The following ANKFN1 variants were observed in gnomAD, a reference collection of about 807,000 sequenced individuals.
ANKFN1 encodes the protein ankyrin repeat and fibronectin type III domain containing 1.
A neutral mutation model predicts 108.7 loss-of-function variants in ANKFN1; 74 were observed. That is an observed-to-expected ratio of 0.68 (90% confidence interval 0.56 to 0.83). The LOEUF is 0.83. Among genes scored for constraint, ANKFN1 ranks in the 40% least tolerant of loss-of-function variants. The pLI is 0.00. For missense variants in ANKFN1, 1,505 were observed against 1,382.3 expected, an observed-to-expected ratio of 1.09 and a Z score of -1.41; for synonymous variants, 547 against 516.2, an observed-to-expected ratio of 1.06 and a Z score of -0.81.
At chr17:56,164,530 A>G (rs1909973158) in intron 1 of ANKFN1, among the ~76,000 whole-genome samples, 1 of 152,206 alleles carries the variant, frequency 6.6e-6, no homozygotes, top group African/African-American at 2.4e-5. Flanking sequence ...TTTACTGGCT[A>G]GATCAATGAT....
intron 4 of ANKFN1, among the ~76,000 whole-genome samples, chr17:56,075,441 T>A (rs1407968028): frequency 6.6e-6 from 1 of 152,114 alleles, no homozygotes; most frequent in Non-Finnish European, 1.5e-5. Flanking sequence ...TCTCAGCATC[T>A]CCTCAAGTTT....
chr17:56,151,831 C>A (rs761839535), upstream of ANKFN1, among the ~76,000 whole-genome samples: 5 of 152,126 alleles, frequency 3.3e-5, no homozygotes, highest in Non-Finnish European at 5.9e-5. Context: ...CTTTTTGAAG[C>A]GGGCAGATAC....
chr17:56,053,708 GT>G (rs1025883987), intron 4 of ANKFN1, among the ~76,000 whole-genome samples: 2 of 151,750 alleles, frequency 1.3e-5, no homozygotes, highest in Non-Finnish European at 2.9e-5. Flanking sequence ...TGTATTTTTA[GT>G]TTTTTTTGAG....
intron 1 of ANKFN1, among the ~76,000 whole-genome samples, chr17:56,176,377 A>G (rs1384711889): frequency 6.6e-6 from 1 of 152,160 alleles, no homozygotes; most frequent in Non-Finnish European, 1.5e-5. Flanking sequence ...CCTGTAATAA[A>G]TACCTTGGAC....
At chr17:56,053,007 G>T (rs111798995) in intron 4 of ANKFN1, among the ~76,000 whole-genome samples, 15 of 152,142 alleles carry the variant, frequency 9.9e-5, no homozygotes, top group South Asian at 6.2e-4. Context: ...ATGTAAAAGA[G>T]CATTGAAACA....
chr17:56,238,363 C>T (rs2143978269), intron 3 of ANKFN1, among the ~76,000 whole-genome samples: 1 of 152,100 alleles, frequency 6.6e-6, no homozygotes, highest in Admixed American at 6.6e-5. Flanking sequence ...CTCAAAAATA[C>T]TGTCAGTGGA....
intron 1 of ANKFN1, among the ~76,000 whole-genome samples, chr17:56,156,352 T>C (rs1270415256): frequency 1.3e-5 from 2 of 152,238 alleles, no homozygotes; most frequent in Non-Finnish European, 2.9e-5. Flanking sequence ...CCTCCCAAAG[T>C]GCTGGGATTG....
chr17:56,352,029 G>A (rs1024294541), intron 5 of ANKFN1, among the ~76,000 whole-genome samples: 2 of 152,176 alleles, frequency 1.3e-5, no homozygotes, highest in African/African-American at 4.8e-5. Context: ...TGGACAGGGT[G>A]GCACTTTAAC....
At chr17:56,237,195 C>T (rs1352874538) in intron 3 of ANKFN1, among the ~76,000 whole-genome samples, 1 of 152,122 alleles carries the variant, frequency 6.6e-6, no homozygotes, top group Admixed American at 6.6e-5. Flanking sequence ...CATCAATGTT[C>T]ATAAAGGATA....
In ANKFN1 at chr17:56,466,535, G is replaced by A. The variant is rs1598659687; in HGVS notation, c.1737G>A (p.Glu579=). The part of the protein sequence containing the change: ...SQRKSLSTPE[E]PTALDILLIT... ...GAAAGTCTCTATCAACACCTGAGGA[G>A]CCAACAGCTTTAGACATTCTACTGA... is the stretch of plus-strand genomic sequence containing the variant. The change falls in exon 15 of 21, where the codon GAG becomes GAA. Residue 579 remains glutamate, a synonymous_variant. Transcript: ENST00000682825. The A allele has an allele frequency of 1.9e-6, 3 of 1,613,452 alleles. No homozygotes were observed. The highest frequency in any genetic ancestry group is 2.2e-5 in the East Asian group (1 of 44,806).
intron 8 of ANKFN1, among the ~76,000 whole-genome samples, chr17:56,438,123 C>T (rs764940729): frequency 1.2e-4 from 18 of 152,050 alleles, no homozygotes; most frequent in Admixed American, 2.6e-4. Flanking sequence ...TCAAGTTTCT[C>T]ATGCTCAAGA....
intron 5 of ANKFN1, 80 bp downstream of exon 5, chr17:56,351,047 A>T (rs2046235343): frequency 1.4e-6 from 2 of 1,419,076 alleles, no homozygotes; most frequent in Non-Finnish European, 1.9e-6. Context: ...AAGATGATTC[A>T]TGTTTACTTC....
intron 18 of ANKFN1, among the ~76,000 whole-genome samples, chr17:56,484,060 AG>A (rs2050787106): frequency 6.6e-6 from 1 of 152,252 alleles, no homozygotes; most frequent in Admixed American, 6.5e-5. Flanking sequence ...AAGAACAAAC[AG>A]GATGTTAATA....
At chr17:56,236,445 T>C (rs1440617025) in intron 3 of ANKFN1, among the ~76,000 whole-genome samples, 1 of 152,222 alleles carries the variant, frequency 6.6e-6, no homozygotes, top group Non-Finnish European at 1.5e-5. Context: ...TTTATTCTTT[T>C]CGTGGCAATT....
chr17:56,090,616 T>G (rs1245195463), intron 4 of ANKFN1, among the ~76,000 whole-genome samples: 1 of 151,256 alleles, frequency 6.6e-6, no homozygotes, highest in East Asian at 1.9e-4. Context: ...AAAGTGTTGC[T>G]TATTTTTTCA....
At position 56,510,847 on chromosome 17, in the gene ANKFN1, C is replaced by G. The variant is rs911959019; in HGVS notation, c.3019C>G (p.His1007Asp). 7.8e-6 allele frequency: 12 copies of G among 1,536,048 alleles called. No homozygotes were observed. Among genetic ancestry groups the G allele is most frequent in the African/African-American group, 5.5e-5 (4 of 73,058 alleles). The change falls in exon 21 of 21, where the codon CAC (histidine) becomes GAC (aspartate). Residue 1007 changes from histidine to aspartate, a missense_variant. Physicochemically the swap from His to Asp is moderately conservative, Grantham distance 81. Coordinates refer to ENST00000682825, the MANE Select transcript of ANKFN1 (RefSeq NM_001370326.1). ...AAAGCGGAAGCCAGGCAAGCACCCC[C>G]ACTATGGCGGCTTCAGCCGCCATCA... ...LGKRKPGKHP[H>D]YGGFSRHHRW...
intron 8 of ANKFN1, among the ~76,000 whole-genome samples, chr17:56,415,415 G>A (rs2048215523): frequency 6.6e-6 from 1 of 152,156 alleles, no homozygotes; most frequent in African/African-American, 2.4e-5. Context: ...ATTTCTGTAT[G>A]CCATCAGTGA....
intron 4 of ANKFN1, among the ~76,000 whole-genome samples, chr17:56,062,836 T>G (rs1904998220): frequency 1.3e-5 from 2 of 152,156 alleles, no homozygotes; most frequent in African/African-American, 4.8e-5. Context: ...GATTTTTTAT[T>G]TTGGTGTGTT....
At chr17:56,235,216 T>A (rs535557101) in intron 3 of ANKFN1, among the ~76,000 whole-genome samples, 1 of 152,236 alleles carries the variant, frequency 6.6e-6, no homozygotes, top group Non-Finnish European at 1.5e-5. Context: ...TTGTTTCTTA[T>A]AAACTTGTTT....
Sources: gnomAD v4.1 joint callset for allele counts (sites outside exome capture counted in the v4.1 genomes callset) on GRCh38, gnomAD v4.1.1 for gene constraint, MANE v1.5 for transcripts, NCBI Gene and HGNC (gene_info 2026-07-23, HGNC 2026-07-21) for gene names.